CAMTA1: variants seen among roughly 807,000 people sequenced by gnomAD.
CAMTA1 encodes calmodulin-binding transcription activator 1.
A neutral mutation model predicts 170.9 loss-of-function variants in CAMTA1; 27 were observed. That is an observed-to-expected ratio of 0.16 (90% CI 0.12 to 0.22). CAMTA1 has a LOEUF of 0.22. CAMTA1 is among the 10% of genes least tolerant of loss of function. The probability of loss-of-function intolerance (pLI) is 1.00; values close to 1 mark genes in which losing one functional copy is unlikely to be tolerated. For synonymous variants in CAMTA1, 833 were observed against 891.5 expected, an observed-to-expected ratio of 0.93 and a Z score of 1.17; for missense variants, 1,619 against 2,217.2, an observed-to-expected ratio of 0.73 and a Z score of 5.42.
At chr1:7,670,306 G>T (rs1195205222) in intron 9 of CAMTA1, among the ~76,000 whole-genome samples, 1 of 152,182 alleles carries the variant, frequency 6.6e-6, no homozygotes, top group Non-Finnish European at 1.5e-5. Context: ...GTCTCTGAGC[G>T]TCTCCTTCAC....
chr1:7,471,835 T>C (rs1047010113), intron 6 of CAMTA1, among the ~76,000 whole-genome samples: 1 of 152,204 alleles, frequency 6.6e-6, no homozygotes, highest in Non-Finnish European at 1.5e-5. Flanking sequence ...CCCCCTGACC[T>C]CCTCATGTGC....
chr1:7,427,816 T>C (rs1475973429), intron 5 of CAMTA1, among the ~76,000 whole-genome samples: 1 of 152,160 alleles, frequency 6.6e-6, no homozygotes, highest in African/African-American at 2.4e-5. Flanking sequence ...CCCTGAGCAC[T>C]CAGCCCCTCA....
chr1:7,143,437 G>A (rs1025977478), intron 4 of CAMTA1, among the ~76,000 whole-genome samples: 2 of 152,194 alleles, frequency 1.3e-5, no homozygotes, highest in Non-Finnish European at 2.9e-5. Context: ...CAAAATTAAT[G>A]ACATTTTGCA....
intron 3 of CAMTA1, among the ~76,000 whole-genome samples, chr1:6,930,918 C>T (rs1023488269): frequency 2.0e-5 from 3 of 152,230 alleles, no homozygotes; most frequent in Admixed American, 6.5e-5. Flanking sequence ...AGGGAGTGGC[C>T]CTTGCTGGCC....
chr1:7,330,945 G>A (rs112428244), intron 5 of CAMTA1, among the ~76,000 whole-genome samples: 230 of 152,222 alleles, frequency 1.5e-3, no homozygotes, highest in Middle Eastern at 3.4e-3. Context: ...GGCTGTGTTT[G>A]GTTCATGGGG....
At chr1:6,835,724 G>A (rs1369409938) in intron 3 of CAMTA1, among the ~76,000 whole-genome samples, 3 of 152,180 alleles carry the variant, frequency 2.0e-5, no homozygotes, top group African/African-American at 4.8e-5. Context: ...GCATGTTTTG[G>A]TGTGCTTTGG....
At chr1:7,083,590 G>A (rs560552851) in intron 3 of CAMTA1, among the ~76,000 whole-genome samples, 51 of 152,170 alleles carry the variant, frequency 3.4e-4, no homozygotes, top group African/African-American at 1.0e-3. Flanking sequence ...AGGGCCCGTC[G>A]GCTTCATGCA....
chr1:6,990,773 TTCTC>T (rs965509168), intron 3 of CAMTA1, among the ~76,000 whole-genome samples: 8 of 143,274 alleles, frequency 5.6e-5, no homozygotes, highest in African/African-American at 1.9e-4. Context: ...AACATGTACT[TTCTC>T]TCTCTCTGTC....
intron 3 of CAMTA1, among the ~76,000 whole-genome samples, chr1:6,894,981 G>T (rs1469309075): frequency 6.6e-6 from 1 of 152,214 alleles, no homozygotes; most frequent in Non-Finnish European, 1.5e-5. Flanking sequence ...TTTTCAGTAG[G>T]GAGGGCGAGG....
intron 4 of CAMTA1, among the ~76,000 whole-genome samples, chr1:7,134,786 A>G (rs1461619734): frequency 6.6e-6 from 1 of 152,204 alleles, no homozygotes; most frequent in Non-Finnish European, 1.5e-5. Context: ...GCTACCAATA[A>G]TGAGAATGGT....
At chr1:7,579,988 C>T (rs2150388413) in intron 6 of CAMTA1, among the ~76,000 whole-genome samples, 1 of 152,346 alleles carries the variant, frequency 6.6e-6, no homozygotes, top group African/African-American at 2.4e-5. Context: ...AGTGGGGGCT[C>T]CATAAACTTG....
intron 4 of CAMTA1, among the ~76,000 whole-genome samples, chr1:7,185,010 A>G (rs1322025509): frequency 6.6e-6 from 1 of 152,198 alleles, no homozygotes; most frequent in Non-Finnish European, 1.5e-5. Flanking sequence ...GAAATGATTT[A>G]TATTCAAGAT....
chr1:6,861,074 C>T (rs1041810048), intron 3 of CAMTA1, among the ~76,000 whole-genome samples: 1 of 150,924 alleles, frequency 6.6e-6, no homozygotes, highest in South Asian at 2.1e-4. Context: ...AAGTGATTCT[C>T]GTGGCTCAGC....
chr1:7,719,281 G>A (rs1357338647), intron 11 of CAMTA1, among the ~76,000 whole-genome samples: 1 of 152,180 alleles, frequency 6.6e-6, no homozygotes, highest in Non-Finnish European at 1.5e-5. Context: ...ATAGGTTTGA[G>A]ATTTTCACCC....
chr1:7,348,184 C>A (rs1197579021), intron 5 of CAMTA1, among the ~76,000 whole-genome samples: 1 of 151,554 alleles, frequency 6.6e-6, no homozygotes, highest in Admixed American at 6.6e-5. Context: ...CCTCTGGTGT[C>A]CCCTTTCTCT....
chr1:7,475,880 G>C (rs555146816), intron 6 of CAMTA1, among the ~76,000 whole-genome samples: 42 of 152,352 alleles, frequency 2.8e-4, no homozygotes, highest in Non-Finnish European at 5.3e-4. Context: ...TCCCTGTCCT[G>C]GGGGAGCCCA....
At chr1:7,442,477 C>T (rs574763057) in intron 5 of CAMTA1, among the ~76,000 whole-genome samples, 8 of 152,256 alleles carry the variant, frequency 5.3e-5, no homozygotes, top group Admixed American at 1.3e-4. Flanking sequence ...CACGTAGGTT[C>T]GCATACCAAT....
intron 5 of CAMTA1, among the ~76,000 whole-genome samples, chr1:7,418,648 C>G (rs1341219788): frequency 6.6e-6 from 1 of 152,236 alleles, no homozygotes; most frequent in African/African-American, 2.4e-5. Flanking sequence ...CGCCACTTGG[C>G]TGTCCAACAA....
Position 7,534,594 on chromosome 1 carries a change from C to T in CAMTA1, c.510+66693C>T, listed in dbSNP as rs1425898463. Reference sequence around the variant, plus strand: ...GCCAGCCCACACCCTCTGTCTTTGTCTGGCATGTCCTCGGCGGCACGGGCT... The same window carrying T: ...GCCAGCCCACACCCTCTGTCTTTGTTTGGCATGTCCTCGGCGGCACGGGCT... On this transcript the variant is annotated intron_variant, in intron 6 of 22. Coordinates refer to ENST00000303635, the MANE Select transcript of CAMTA1 (RefSeq NM_015215.4). This position sits in a 1 kb window ranked among gnomAD's most constrained non-coding sequence, Gnocchi z 5.6. Among the ~76,000 whole-genome samples, 1 of 152,212 alleles carries T rather than the reference C, an allele frequency of 6.6e-6. No individual in the cohort carries two copies. The highest frequency in any genetic ancestry group is 1.9e-4 in the East Asian group (1 of 5,176).
Sources: gnomAD v4.1 joint callset for allele counts (sites outside exome capture counted in the v4.1 genomes callset) on GRCh38, gnomAD v4.1.1 for gene constraint, Gnocchi (gnomAD v3.1) non-coding constraint, MANE v1.5 for transcripts, NCBI Gene and HGNC (gene_info 2026-07-23, HGNC 2026-07-21) for gene names.